Variants in FHIT observed in about 807,000 individuals in gnomAD.
The protein encoded by FHIT is bis(5'-adenosyl)-triphosphatase.
Under a neutral mutation model 17.9 loss-of-function variants are expected in FHIT, and 19 were observed. That is an observed-to-expected ratio of 1.06 (90% confidence interval 0.74 to 1.56). The LOEUF is 1.56. FHIT is among the 40% of genes most tolerant of loss of function. The pLI is 0.00. For synonymous variants in FHIT, 81 were observed against 69.7 expected (o/e 1.16, Z -0.81); for missense variants, 248 against 189.2 (o/e 1.31, Z -1.82).
At chr3:60,124,924 T>C (rs577404878) in intron 5 of FHIT, among the ~76,000 whole-genome samples, 14 of 152,312 alleles carry the variant, frequency 9.2e-5, no homozygotes, top group East Asian at 1.9e-4. Context: ...AGGATCTTGC[T>C]AGGGGTCAAA....
chr3:60,782,237 GTA>G lies in FHIT; in HGVS notation c.-18+39680_-18+39681del, dbSNP rs11272366. 1.3e-3 allele frequency among the ~76,000 whole-genome samples: 120 copies of G among 95,486 alleles called. 1 individual carries two copies. In the Middle Eastern group the frequency reaches 0.026, roughly 20 times the overall value. 62.6% of individuals were successfully genotyped at this position (95,486 alleles called of 152,430 possible). ...TATTTCATTGTGTGTGTGTGTGTGT[GTA>G]TATATATATATATATCACATTTTCT... On this transcript the variant is annotated intron_variant, in intron 4 of 9. Coordinates refer to ENST00000492590, the MANE Select transcript of FHIT (RefSeq NM_002012.4).
intron 4 of FHIT, among the ~76,000 whole-genome samples, chr3:60,566,817 A>T (rs1379511948): frequency 6.6e-6 from 1 of 150,622 alleles, no homozygotes; most frequent in African/African-American, 2.5e-5. Flanking sequence ...CACCAACAAC[A>T]GACAAACAGA....
chr3:60,414,078 T>C (rs747003047), intron 5 of FHIT, among the ~76,000 whole-genome samples: 1 of 152,162 alleles, frequency 6.6e-6, no homozygotes, highest in Non-Finnish European at 1.5e-5. Flanking sequence ...GGCGGGTGGA[T>C]GACAGAGAAA....
At chr3:59,958,706 C>T (rs901886163) in intron 7 of FHIT, among the ~76,000 whole-genome samples, 1 of 152,074 alleles carries the variant, frequency 6.6e-6, no homozygotes, top group Non-Finnish European at 1.5e-5. Flanking sequence ...AGTAGATGGC[C>T]GCTATGTAAT....
intron 8 of FHIT, among the ~76,000 whole-genome samples, chr3:59,854,661 G>C (rs184146487): frequency 1.4e-4 from 21 of 152,240 alleles, no homozygotes; most frequent in African/African-American, 4.6e-4. Flanking sequence ...AAAAACTGAG[G>C]TCTGGGGAAT....
rs573093202 is a variant in FHIT at position 60,497,477 on chromosome 3, T to C, written c.103+39383A>G. Among the ~76,000 whole-genome samples the C allele has an allele frequency of 4.6e-5, 7 of 152,364 alleles. No individual in the cohort carries two copies. In the South Asian group the frequency reaches 1.2e-3, roughly 27 times the overall value. The stretch of plus-strand genomic sequence containing the variant: ...AAACACAGTTAATTTCTAAATTTGA[T>C]GAAAATTACATAATTCTTTTATTAG... On this transcript the variant is annotated intron_variant, in intron 5 of 9. Coordinates refer to ENST00000492590, the MANE Select transcript of FHIT (RefSeq NM_002012.4).
chr3:60,324,572 A>AG (rs199557962), intron 5 of FHIT, among the ~76,000 whole-genome samples: 17 of 129,836 alleles, frequency 1.3e-4, no homozygotes, highest in Non-Finnish European at 1.5e-4. Flanking sequence ...AGACTCCATC[A>AG]GAAAAAAAAA....
chr3:60,512,771 T>A (rs764145067), intron 5 of FHIT, among the ~76,000 whole-genome samples: 17 of 152,152 alleles, frequency 1.1e-4, no homozygotes, highest in Non-Finnish European at 2.2e-4. Context: ...ATGAGATGGA[T>A]CAAGATAGTA....
chr3:60,922,793 A>C (rs1553768724), intron 3 of FHIT, among the ~76,000 whole-genome samples: 1 of 152,130 alleles, frequency 6.6e-6, no homozygotes, highest in African/African-American at 2.4e-5. Flanking sequence ...TCTGCCATCT[A>C]CTACCACTTC....
chr3:60,002,472 G>A (rs1381319348), intron 7 of FHIT, among the ~76,000 whole-genome samples: 1 of 152,128 alleles, frequency 6.6e-6, no homozygotes, highest in Non-Finnish European at 1.5e-5. Context: ...TCATGACATG[G>A]GAAGTTAAAA....
intron 5 of FHIT, among the ~76,000 whole-genome samples, chr3:60,064,261 T>C (rs1702408239): frequency 1.3e-5 from 2 of 152,180 alleles, no homozygotes; most frequent in African/African-American, 4.8e-5. Context: ...AACTATGTTG[T>C]TTATAACTCT....
intron 4 of FHIT, among the ~76,000 whole-genome samples, chr3:60,568,474 G>A (rs945048261): frequency 1.3e-5 from 2 of 149,750 alleles, no homozygotes; most frequent in African/African-American, 2.4e-5. Flanking sequence ...GAGGGAGGGG[G>A]GAGGGATAGC....
intron 3 of FHIT, among the ~76,000 whole-genome samples, chr3:60,867,421 G>A (rs551591235): frequency 4.4e-4 from 67 of 152,284 alleles, no homozygotes; most frequent in Admixed American, 8.5e-4. Context: ...CCAAATGAAT[G>A]GTACACACAA....
intron 5 of FHIT, among the ~76,000 whole-genome samples, chr3:60,480,146 T>A (rs544152904): frequency 6.6e-6 from 1 of 152,190 alleles, no homozygotes; most frequent in South Asian, 2.1e-4. Context: ...TCTCCCACAG[T>A]GGCAGGAGAG....
intron 2 of FHIT, among the ~76,000 whole-genome samples, chr3:61,045,258 C>T (rs2033726879): frequency 6.6e-6 from 1 of 152,124 alleles, no homozygotes; most frequent in Non-Finnish European, 1.5e-5. Flanking sequence ...CAGAGACACA[C>T]ACAGGCTCAA....
At chr3:60,232,935 C>G (rs956430758) in intron 5 of FHIT, among the ~76,000 whole-genome samples, 2 of 152,146 alleles carry the variant, frequency 1.3e-5, no homozygotes, top group Admixed American at 1.3e-4. Context: ...GATAATGATA[C>G]TATGGCTATA....
chr3:61,190,481 T>C (rs1307402691), intron 2 of FHIT, among the ~76,000 whole-genome samples: 2 of 152,290 alleles, frequency 1.3e-5, no homozygotes, highest in East Asian at 1.9e-4. Flanking sequence ...ACACTGTTGG[T>C]GGGACTGTAA....
intron 5 of FHIT, among the ~76,000 whole-genome samples, chr3:60,217,268 T>C (rs1238576573): frequency 6.6e-6 from 1 of 152,186 alleles, no homozygotes; most frequent in Non-Finnish European, 1.5e-5. Flanking sequence ...GATGTTTTTT[T>C]ACTAGATTTA....
At chr3:60,817,633 T>C (rs1406712177) in intron 4 of FHIT, among the ~76,000 whole-genome samples, 1 of 152,072 alleles carries the variant, frequency 6.6e-6, no homozygotes, top group Non-Finnish European at 1.5e-5. Context: ...CCACCAAAGA[T>C]ACCGTGCCAT....
Sources: allele counts gnomAD v4.1 joint callset (sites outside exome capture counted in the v4.1 genomes callset), GRCh38; gene constraint gnomAD v4.1.1; transcripts MANE v1.5; gene names NCBI Gene and HGNC (gene_info 2026-07-23, HGNC 2026-07-21).